The following PNPLA1 variants were observed in gnomAD, a reference collection of about 807,000 sequenced individuals.
PNPLA1 encodes omega-hydroxyceramide transacylase.
In PNPLA1, 36 loss-of-function variants were observed where a neutral mutation model predicts 51.7. That is an observed-to-expected ratio of 0.70 (90% CI 0.53 to 0.92). PNPLA1 has a LOEUF of 0.92. PNPLA1 is among the 40% of genes least tolerant of loss of function. PNPLA1 has a pLI of 0.00. For missense variants in PNPLA1, 658 were observed against 682.5 expected, an observed-to-expected ratio of 0.96 and a Z score of 0.40; for synonymous variants, 293 against 280.1, an observed-to-expected ratio of 1.05 and a Z score of -0.46.
At chr6:36,307,545 G>GTA in intron 7 of PNPLA1, 42 bp from the exon 8 acceptor site, 1 of 1,604,552 alleles carries the variant, frequency 6.2e-7, no homozygotes, top group Non-Finnish European at 8.5e-7. Flanking sequence ...GAGGACCGAG[G>GTA]TCAGGCCCAT....
In PNPLA1 at chr6:36,291,403, G is replaced by T. The variant is rs779360548; in HGVS notation, c.289G>T (p.Val97Leu). 6.2e-7 allele frequency: 1 copy of T among 1,614,162 alleles called. No individual in the cohort carries two copies. Among genetic ancestry groups the T allele is most frequent in the Non-Finnish European group, 8.5e-7 (1 of 1,180,028 alleles). Residue 97 changes from valine (V) to leucine (L), a missense_variant, in exon 2 of 9, where the codon GTG (valine) becomes TTG (leucine). Physicochemically the swap from Val to Leu is conservative, Grantham distance 32. Coordinates refer to ENST00000636260, the MANE Select transcript of PNPLA1 (RefSeq NM_001374623.1). ...GCCCTTGTCCCCGTCCTGTAAGATG[G>T]TGCAGATGATGAGGCAGTTTCTGTA... Reference protein sequence around the residue: ...LGPLSPSCKMVQMMRQFLYRV... With the variant: ...LGPLSPSCKMLQMMRQFLYRV...
At chr6:36,269,616 G>A (rs1769848151), upstream of PNPLA1, among the ~76,000 whole-genome samples, 1 of 152,198 alleles carries the variant, frequency 6.6e-6, no homozygotes, top group African/African-American at 2.4e-5. Flanking sequence ...GATAGCATGA[G>A]GGCTTGGGGC....
intron 7 of PNPLA1, 135 bp downstream of exon 7, chr6:36,306,511 C>A: frequency 1.3e-6 from 1 of 755,386 alleles, no homozygotes. Context: ...TGTGTGATTC[C>A]AGGTCCACCC....
At chr6:36,283,101 A>G (rs956146499) in intron 1 of PNPLA1, among the ~76,000 whole-genome samples, 63 of 152,148 alleles carry the variant, frequency 4.1e-4, no homozygotes, top group African/African-American at 1.4e-3. Flanking sequence ...AGTCTCCCCT[A>G]ATGTTAACAT....
At chr6:36,259,750 G>A (rs1419174479) in intron 1 of PNPLA1, among the ~76,000 whole-genome samples, 3 of 152,096 alleles carry the variant, frequency 2.0e-5, no homozygotes, top group Admixed American at 2.0e-4. Context: ...ACCAGATACC[G>A]CATGTTCTCA....
At chr6:36,310,742 G>A (rs1035479276) in intron 8 of PNPLA1, among the ~76,000 whole-genome samples, 1 of 152,216 alleles carries the variant, frequency 6.6e-6, no homozygotes, top group Non-Finnish European at 1.5e-5. Context: ...TACGAGGGTG[G>A]TGGGAGCACT....
At chr6:36,252,807 C>T (rs1015029831) in intron 1 of PNPLA1, among the ~76,000 whole-genome samples, 4 of 152,238 alleles carry the variant, frequency 2.6e-5, no homozygotes, top group African/African-American at 9.6e-5. Flanking sequence ...CCAAATGTTA[C>T]AGCTAGCACT....
intron 6 of PNPLA1, 56 bp downstream of exon 6, chr6:36,302,525 C>G: frequency 6.6e-7 from 1 of 1,509,492 alleles, no homozygotes; most frequent in Non-Finnish European, 8.8e-7. Flanking sequence ...CCTTGGCAAG[C>G]GAGCAAGGAC....
chr6:36,304,629 GAAAA>G (rs539155104), intron 6 of PNPLA1, among the ~76,000 whole-genome samples: 22 of 71,960 alleles, frequency 3.1e-4, no homozygotes, highest in African/African-American at 9.2e-4. Context: ...TCCGTCTCAG[GAAAA>G]AAAAAAAAAA....
intron 1 of PNPLA1, among the ~76,000 whole-genome samples, chr6:36,279,315 T>G (rs1241791485): frequency 6.6e-6 from 1 of 152,218 alleles, no homozygotes; most frequent in African/African-American, 2.4e-5. Flanking sequence ...CCTCCCACAC[T>G]AGGGCCAGTG....
chr6:36,290,698 T>G (rs1030066865), intron 1 of PNPLA1, among the ~76,000 whole-genome samples: 16 of 152,120 alleles, frequency 1.1e-4, no homozygotes, highest in African/African-American at 3.9e-4. Flanking sequence ...AGGCGAGCCT[T>G]ACATAGTCCA....
Position 36,307,578 on chromosome 6 carries a change from T to C in PNPLA1, c.1470-9T>C. 6.2e-7 allele frequency: 1 copy of C among 1,612,782 alleles called. No individual in the cohort carries two copies. The highest frequency in any genetic ancestry group is 1.1e-5 in the South Asian group (1 of 90,990). On this transcript the variant is annotated splice_polypyrimidine_tract_variant and intron_variant, in intron 7 of 8. Coordinates refer to ENST00000636260, the MANE Select transcript of PNPLA1 (RefSeq NM_001374623.1). Reference sequence around the variant, plus strand: ...CATAATGAACCATCTACTTAATCTCTTTGCCTAGGGAGAGCCCTGCTGAAG... The same window carrying C: ...CATAATGAACCATCTACTTAATCTCCTTGCCTAGGGAGAGCCCTGCTGAAG...
At position 36,313,741 on chromosome 6, in the gene PNPLA1, G is replaced by T. The variant is rs1291490699; in HGVS notation, c.*1855G>T. 1.3e-5 allele frequency among the ~76,000 whole-genome samples: 2 copies of T among 152,222 alleles called. No homozygotes were observed. The highest frequency in any genetic ancestry group is 2.9e-5 in the Non-Finnish European group (2 of 68,038). ...GCCGCAGGCCTTTCTTCCAGGAGTGGCCTCCATGTTTGCAGAAGCCTGAGG... is the reference window on the plus strand; with the variant it reads ...GCCGCAGGCCTTTCTTCCAGGAGTGTCCTCCATGTTTGCAGAAGCCTGAGG... On this transcript the variant is annotated 3_prime_UTR_variant, in exon 9 of 9. Transcript: ENST00000636260.
In PNPLA1 at chr6:36,306,419, A is replaced by C. The variant is rs575769690; in HGVS notation, c.1469+43A>C. On this transcript the variant is annotated intron_variant, in intron 7 of 8. Transcript: ENST00000636260. The stretch of plus-strand genomic sequence containing the variant: ...GGAGCACGCTCTTTCCTTTGGACGG[A>C]AGAAGCAAGCCCGGCTAAGCGATAT... 6.8e-5 allele frequency: 105 copies of C among 1,544,300 alleles called. 1 individual carries two copies. The South Asian group carries it at 1.2e-3, about 17-fold the overall frequency.
At chr6:36,280,946 T>A (rs1310338962) in intron 1 of PNPLA1, among the ~76,000 whole-genome samples, 1 of 152,144 alleles carries the variant, frequency 6.6e-6, no homozygotes, top group Non-Finnish European at 1.5e-5. Flanking sequence ...CGTGCCACCA[T>A]GTCTGGCTAA....
At chr6:36,270,745 A>T in intron 1 of PNPLA1, 81 bp downstream of exon 1, 1 of 1,483,370 alleles carries the variant, frequency 6.7e-7, no homozygotes, top group Non-Finnish European at 9.1e-7. Flanking sequence ...GAGGCTGGGG[A>T]TGCTTTGGGG....
chr6:36,312,487 T>C lies in PNPLA1; in HGVS notation c.*601T>C. 6.6e-6 allele frequency among the ~76,000 whole-genome samples: 1 copy of C among 152,180 alleles called. No individual in the cohort carries two copies. Among genetic ancestry groups the C allele is most frequent in the African/African-American group, 2.4e-5 (1 of 41,536 alleles). The stretch of plus-strand genomic sequence containing the variant: ...GCTACCTGCTGAGGGTTGCCCAAGG[T>C]GTATGAACCTGTAAGGGTGATCCCC... On this transcript the variant is annotated 3_prime_UTR_variant, in exon 9 of 9. Coordinates refer to ENST00000636260, the MANE Select transcript of PNPLA1 (RefSeq NM_001374623.1).
chr6:36,276,757 C>T (rs1770111715), intron 1 of PNPLA1, among the ~76,000 whole-genome samples: 1 of 53,750 alleles, frequency 1.9e-5, no homozygotes, highest in African/African-American at 1.0e-4. Flanking sequence ...TTCGTTCGTT[C>T]CTTCCTTCCT....
intron 2 of PNPLA1, among the ~76,000 whole-genome samples, chr6:36,292,500 TC>T (rs927043642): frequency 6.6e-6 from 1 of 151,980 alleles, no homozygotes; most frequent in African/African-American, 2.4e-5. Context: ...CTGCCTGGGA[TC>T]CCCTCCCTCC....
Sources: gnomAD v4.1 joint callset for allele counts (sites outside exome capture counted in the v4.1 genomes callset) on GRCh38, gnomAD v4.1.1 for gene constraint, MANE v1.5 for transcripts, NCBI Gene and HGNC (gene_info 2026-07-23, HGNC 2026-07-21) for gene names.